Variants in IL5RA observed in about 807,000 individuals in gnomAD.
IL5RA encodes interleukin-5 receptor subunit alpha.
A neutral mutation model predicts 50.0 loss-of-function variants in IL5RA; 49 were observed. The ratio of observed to expected loss-of-function variants is 0.98; its 90% CI spans 0.78 to 1.24. The LOEUF (loss-of-function observed/expected upper bound fraction) is 1.24, where lower values mean the gene tolerates loss of function less well. Ranked by LOEUF, IL5RA falls within the 50% of genes most tolerant of loss-of-function variation. The pLI is 0.00. For missense variants in IL5RA, 600 were observed against 500.4 expected (o/e 1.20, Z -1.90); for synonymous variants, 202 against 174.0 (o/e 1.16, Z -1.26).
chr3:3,107,250 T>C (rs1251926310), intron 2 of IL5RA, among the ~76,000 whole-genome samples: 1 of 10,776 alleles, frequency 9.3e-5, no homozygotes, highest in African/African-American at 2.5e-4. Flanking sequence ...AAGAATGACA[T>C]TTTTTTTTTT....
chr3:3,076,716 C>T (rs1260777929), intron 9 of IL5RA, 89 bp from the exon 10 acceptor site: 8 of 797,970 alleles, frequency 1.0e-5, no homozygotes, highest in Middle Eastern at 3.6e-4. Flanking sequence ...GGTCATCAGA[C>T]AGCTCAGGTT....
chr3:3,092,347 T>G lies in IL5RA; in HGVS notation c.871A>C (p.Thr291Pro). 2 of 1,613,356 alleles carry G rather than the reference T, an allele frequency of 1.2e-6. No homozygotes were observed. The highest frequency in any genetic ancestry group is 1.7e-5 in the Admixed American group (1 of 60,004). Reference sequence around the variant, plus strand: ...TCAATTATTGAGATGAATGCATTGGTCATCAATTTTTCTATCTAAGTGGGG... The same window carrying G: ...TCAATTATTGAGATGAATGCATTGGGCATCAATTTTTCTATCTAAGTGGGG... ...NGYLQIEKLM[T>P]NAFISIIDDL... Residue 291 changes from threonine to proline, a missense_variant, in exon 9 of 12, where the codon ACC becomes CCC. Transcript: ENST00000446632. This position sits in a 1 kb window ranked among gnomAD's most constrained non-coding sequence, Gnocchi z 4.2.
intron 7 of IL5RA, 22 bp from the exon 8 acceptor site, chr3:3,095,466 C>A (rs368364294): frequency 2.9e-5 from 44 of 1,517,604 alleles, no homozygotes; most frequent in Non-Finnish European, 3.5e-5. Flanking sequence ...AACGAAAGAT[C>A]AGTGATTTTT....
intron 9 of IL5RA, among the ~76,000 whole-genome samples, chr3:3,085,110 G>A (rs763748545): frequency 2.6e-5 from 4 of 152,230 alleles, no homozygotes; most frequent in Non-Finnish European, 1.5e-5. Flanking sequence ...GGAACAAATG[G>A]TGGGGCTGCC....
At chr3:3,109,195 C>G (rs968789377) in intron 1 of IL5RA, among the ~76,000 whole-genome samples, 1 of 151,994 alleles carries the variant, frequency 6.6e-6, no homozygotes, top group African/African-American at 2.4e-5. Context: ...TGGAAATATG[C>G]TTACCTTGCT....
rs1288442609 is a variant in IL5RA, at chr3:3,076,853, A to C, written c.995-226T>G. On this transcript the variant is annotated intron_variant, in intron 9 of 11. Coordinates refer to ENST00000446632, the MANE Select transcript of IL5RA (RefSeq NM_175726.4). ...ATATAGGGTGAGATGAAATGATGGCAGTGAGGCCACTTTTATTCTTAAAGA... is the reference window on the plus strand; with the variant it reads ...ATATAGGGTGAGATGAAATGATGGCCGTGAGGCCACTTTTATTCTTAAAGA... Among the ~76,000 whole-genome samples the C allele has an allele frequency of 2.0e-5, 3 of 152,232 alleles. No homozygotes were observed. In the East Asian group the frequency reaches 5.8e-4, roughly 29 times the overall value.
chr3:3,097,330 T>G (rs1703410800), intron 7 of IL5RA, among the ~76,000 whole-genome samples: 1 of 152,132 alleles, frequency 6.6e-6, no homozygotes, highest in Non-Finnish European at 1.5e-5. Flanking sequence ...GGCTTCTGGA[T>G]GGGAAACGTG....
intron 9 of IL5RA, among the ~76,000 whole-genome samples, chr3:3,079,421 T>C (rs1248149397): frequency 1.3e-5 from 2 of 152,206 alleles, no homozygotes; most frequent in African/African-American, 4.8e-5. Flanking sequence ...ACTTTGACTC[T>C]TTCCATCCTT....
At chr3:3,102,007 A>G (rs1197791616) in intron 4 of IL5RA, among the ~76,000 whole-genome samples, 177 bp from the exon 5 acceptor site, 1 of 152,234 alleles carries the variant, frequency 6.6e-6, no homozygotes, top group Non-Finnish European at 1.5e-5. Flanking sequence ...GTAATTTCTC[A>G]ATGACACATG....
intron 9 of IL5RA, among the ~76,000 whole-genome samples, chr3:3,081,361 C>T (rs17026218): frequency 1.3e-5 from 2 of 152,168 alleles, no homozygotes; most frequent in African/African-American, 2.4e-5. Context: ...ATTCCATGCT[C>T]GTAACCATTA....
intron 9 of IL5RA, among the ~76,000 whole-genome samples, chr3:3,085,229 G>A (rs1040530974): frequency 1.3e-5 from 2 of 152,240 alleles, no homozygotes; most frequent in Non-Finnish European, 2.9e-5. Flanking sequence ...GTAAGCCTAA[G>A]TGGGTCTTTC....
In IL5RA at chr3:3,069,987, G is replaced by C; in HGVS notation, c.*238C>G. 1 of 435,026 alleles carries C rather than the reference G, an allele frequency of 2.3e-6. No individual in the cohort carries two copies. Among genetic ancestry groups the C allele is most frequent in the Non-Finnish European group, 4.1e-6 (1 of 242,602 alleles). The allele number at this position is 435,026 out of a possible 1,614,324, so 26.9% of individuals were successfully genotyped here. On this transcript the variant is annotated 3_prime_UTR_variant, in exon 12 of 12. Transcript: ENST00000446632. ...GGTGCTACCCTGTACGGCATGGGGA[G>C]AAAAAACATGGCAAAATGCTTGGAT...
At chr3:3,086,298 C>A (rs17882067) in intron 9 of IL5RA, among the ~76,000 whole-genome samples, 6,718 of 152,002 alleles carry the variant, frequency 0.044, 311 homozygotes, top group African/African-American at 0.12. Flanking sequence ...TCATGGATGG[C>A]GGGAAGAAGA....
At chr3:3,091,344 T>C (rs1703090565) in intron 9 of IL5RA, among the ~76,000 whole-genome samples, 1 of 152,094 alleles carries the variant, frequency 6.6e-6, no homozygotes, top group Non-Finnish European at 1.5e-5. Context: ...GTGTAACAAG[T>C]GATGATGCAA....
At chr3:3,098,376 C>A in intron 5 of IL5RA, 86 bp from the exon 6 acceptor site, 2 of 1,196,200 alleles carry the variant, frequency 1.7e-6, no homozygotes, top group Admixed American at 4.1e-5. Flanking sequence ...GTGATGTGAA[C>A]GTCGTATTCA....
In IL5RA at chr3:3,107,404, A is replaced by ACAC. The variant is rs1219297159; in HGVS notation, c.-4+1145_-4+1146insGTG. ...TAAAACAACAACAACAACAGCAACA[A>ACAC]CAAATCTCTTCAGGCCATTTCTTTA... On this transcript the variant is annotated intron_variant, in intron 2 of 11. Coordinates refer to ENST00000446632, the MANE Select transcript of IL5RA (RefSeq NM_175726.4). Among the ~76,000 whole-genome samples, 9 of 151,540 alleles carry ACAC rather than the reference A, an allele frequency of 5.9e-5. No homozygotes were observed. The East Asian group carries it at 1.4e-3, about 23-fold the overall frequency.
intron 7 of IL5RA, among the ~76,000 whole-genome samples, chr3:3,096,232 C>G (rs1092216): frequency 4.0e-5 from 6 of 151,120 alleles, no homozygotes; most frequent in South Asian, 2.1e-4. Flanking sequence ...GAGCCGAGAT[C>G]GCGCCACTGC....
chr3:3,098,495 C>A (rs569926634), intron 5 of IL5RA, among the ~76,000 whole-genome samples: 45 of 152,230 alleles, frequency 3.0e-4, no homozygotes, highest in African/African-American at 1.1e-3. Context: ...GCAACCTCTG[C>A]CTCCTGGCTT....
intron 8 of IL5RA, among the ~76,000 whole-genome samples, chr3:3,093,998 G>C (rs952706305): frequency 6.6e-6 from 1 of 152,128 alleles, no homozygotes; most frequent in Non-Finnish European, 1.5e-5. Flanking sequence ...TGTGAGGATG[G>C]AATAAACACA....
Sources: allele counts gnomAD v4.1 joint callset (sites outside exome capture counted in the v4.1 genomes callset), GRCh38; gene constraint gnomAD v4.1.1; non-coding constraint Gnocchi (gnomAD v3.1); transcripts MANE v1.5; gene names NCBI Gene and HGNC (gene_info 2026-07-23, HGNC 2026-07-21).